CMIP: variants seen among roughly 807,000 people sequenced by gnomAD.
CMIP encodes the protein c-Maf inducing protein.
CMIP carries 13 observed loss-of-function variants against 97.3 expected under a neutral mutation model. The observed-to-expected ratio is 0.13, with a 90% confidence interval of 0.09 to 0.21. The LOEUF (loss-of-function observed/expected upper bound fraction) is 0.21, where lower values mean the gene tolerates loss of function less well. Ranked by LOEUF, CMIP falls within the 10% of genes least tolerant of loss-of-function variation. CMIP has a pLI of 1.00. For synonymous variants in CMIP, 538 were observed against 436.3 expected, an observed-to-expected ratio of 1.23 and a Z score of -2.91; for missense variants, 847 against 1,024.9, an observed-to-expected ratio of 0.83 and a Z score of 2.37.
chr16:81,705,318 G>A (rs192837983), intron 18 of CMIP, among the ~76,000 whole-genome samples, 181 bp from the exon 19 acceptor site: 1,738 of 152,330 alleles, frequency 0.011, 19 homozygotes, highest in Middle Eastern at 0.02. Flanking sequence ...ATTCTAACCC[G>A]GTTCAGAGAG....
intron 1 of CMIP, among the ~76,000 whole-genome samples, chr16:81,469,670 CA>C (rs1288675228): frequency 1.4e-4 from 21 of 152,308 alleles, no homozygotes; most frequent in Non-Finnish European, 2.6e-4. Context: ...ACTGTGGATT[CA>C]CAGTTCTTCA....
chr16:81,513,512 G>C (rs1317955036), intron 1 of CMIP, among the ~76,000 whole-genome samples: 1 of 152,234 alleles, frequency 6.6e-6, no homozygotes, highest in East Asian at 1.9e-4. Context: ...AATAGAGCTG[G>C]CCTTTGTTTC....
At chr16:81,690,673 C>T (rs1905957875) in intron 10 of CMIP, among the ~76,000 whole-genome samples, 1 of 152,176 alleles carries the variant, frequency 6.6e-6, no homozygotes, top group Admixed American at 6.5e-5. Flanking sequence ...CTGGCCTATC[C>T]CAGCACTTTG....
chr16:81,574,427 C>T (rs924892668), intron 1 of CMIP, among the ~76,000 whole-genome samples: 5 of 152,260 alleles, frequency 3.3e-5, no homozygotes, highest in African/African-American at 1.2e-4. Context: ...GTTTTCTCAG[C>T]AGGACCGGGC....
At chr16:81,649,901 A>G (rs1597195398) in intron 3 of CMIP, among the ~76,000 whole-genome samples, 1 of 152,236 alleles carries the variant, frequency 6.6e-6, no homozygotes, top group Non-Finnish European at 1.5e-5. Context: ...AGGAGCATTC[A>G]TCCTCTGGAG....
chr16:81,462,044 T>C (rs1482192026), intron 1 of CMIP, among the ~76,000 whole-genome samples: 2 of 152,252 alleles, frequency 1.3e-5, no homozygotes, highest in African/African-American at 2.4e-5. Context: ...GTCATCATTA[T>C]CTTTTACTTC....
At chr16:81,501,634 C>T (rs1344098893) in intron 1 of CMIP, among the ~76,000 whole-genome samples, 10 of 141,758 alleles carry the variant, frequency 7.1e-5, no homozygotes, top group African/African-American at 1.8e-4. Flanking sequence ...TTTTCTGAGA[C>T]GGTGTCTCGC....
intron 1 of CMIP, among the ~76,000 whole-genome samples, chr16:81,585,312 G>A (rs1031148848): frequency 3.9e-5 from 6 of 152,236 alleles, no homozygotes; most frequent in Non-Finnish European, 7.3e-5. Flanking sequence ...TTGTACTCCA[G>A]CCTGGGCAAA....
chr16:81,534,862 C>G (rs1275272638), intron 1 of CMIP, among the ~76,000 whole-genome samples: 1 of 152,194 alleles, frequency 6.6e-6, no homozygotes, highest in Non-Finnish European at 1.5e-5. Context: ...CAAATATGTG[C>G]TAAGTTTCCT....
chr16:81,578,775 TCCCTTCCTGCA>T (rs1305782881), intron 1 of CMIP, among the ~76,000 whole-genome samples: 1 of 152,192 alleles, frequency 6.6e-6, no homozygotes, highest in Non-Finnish European at 1.5e-5. Context: ...CAACACCTGC[TCCCTTCCTGCA>T]CTGGCGTCGG....
chr16:81,537,522 G>C (rs963094788), intron 1 of CMIP, among the ~76,000 whole-genome samples: 5 of 119,572 alleles, frequency 4.2e-5, no homozygotes, highest in South Asian at 2.9e-4. Flanking sequence ...GTGACAGAGA[G>C]AGACTCCGTC....
At chr16:81,636,362 C>T (rs1364895743) in intron 3 of CMIP, among the ~76,000 whole-genome samples, 1 of 152,016 alleles carries the variant, frequency 6.6e-6, no homozygotes, top group Non-Finnish European at 1.5e-5. Flanking sequence ...GCAGGTGGCT[C>T]ACCTGAGGTC....
At chr16:81,612,363 C>T (rs559753882) in intron 2 of CMIP, among the ~76,000 whole-genome samples, 10 of 152,140 alleles carry the variant, frequency 6.6e-5, no homozygotes, top group Non-Finnish European at 1.3e-4. Flanking sequence ...GCTCTTCTCA[C>T]CAATGTTCTG....
intron 1 of CMIP, among the ~76,000 whole-genome samples, chr16:81,581,859 G>T (rs887648942): frequency 1.3e-5 from 2 of 152,146 alleles, no homozygotes; most frequent in South Asian, 4.2e-4. Context: ...TCTGCAGAGG[G>T]GCCTTGTATT....
chr16:81,611,233 G>A (rs986541942), intron 2 of CMIP: 2 of 152,294 alleles, frequency 1.3e-5, no homozygotes, highest in East Asian at 1.9e-4. Context: ...ATTGACACAC[G>A]AAGTTCTGTG....
At chr16:81,513,854 C>T (rs1391522301) in intron 1 of CMIP, among the ~76,000 whole-genome samples, 2 of 152,226 alleles carry the variant, frequency 1.3e-5, no homozygotes, top group East Asian at 3.9e-4. Flanking sequence ...TGACTTGCAA[C>T]CTTTGCCCTG....
In CMIP at chr16:81,445,123, A is replaced by G. The variant is rs978595361; in HGVS notation, c.-119A>G. The G allele has an allele frequency of 2.5e-6, 1 of 406,570 alleles. No individual in the cohort carries two copies. Among genetic ancestry groups the G allele is most frequent in the Non-Finnish European group, 4.0e-6 (1 of 252,504 alleles). The allele number at this position is 406,570 out of a possible 1,614,324, so 25.2% of individuals were successfully genotyped here. ...CCCCTGCGGGCGCCCCCAGCCCCACACCCCCCCACCTTCCCGGGGGGTGGG... is the reference window on the plus strand; with the variant it reads ...CCCCTGCGGGCGCCCCCAGCCCCACGCCCCCCCACCTTCCCGGGGGGTGGG... On this transcript the variant is annotated 5_prime_UTR_variant, in exon 1 of 21. Coordinates refer to ENST00000537098, the MANE Select transcript of CMIP (RefSeq NM_198390.3).
In CMIP at chr16:81,603,658, C is replaced by T. The variant is rs557252593; in HGVS notation, c.301-3909C>T. Among the ~76,000 whole-genome samples, 236 of 152,284 alleles carry T rather than the reference C, an allele frequency of 1.5e-3. 6 individuals are homozygous for T. In the South Asian group the frequency reaches 0.047, roughly 30 times the overall value. On this transcript the variant is annotated intron_variant, in intron 1 of 20. Transcript: ENST00000537098. Reference sequence around the variant, plus strand: ...CCACAGTACCTGTAGTCACGTCTCCCAAAACTTCCCTTGGCTGGGATAGCT... The same window carrying T: ...CCACAGTACCTGTAGTCACGTCTCCTAAAACTTCCCTTGGCTGGGATAGCT...
At chr16:81,669,771 TCTCA>T (rs2092663849) in intron 7 of CMIP, among the ~76,000 whole-genome samples, 1 of 150,856 alleles carries the variant, frequency 6.6e-6, no homozygotes, top group African/African-American at 2.4e-5. Flanking sequence ...CACACCCACC[TCTCA>T]CACACCTCCT....
Sources: allele counts gnomAD v4.1 joint callset (sites outside exome capture counted in the v4.1 genomes callset), GRCh38; gene constraint gnomAD v4.1.1; transcripts MANE v1.5; gene names NCBI Gene and HGNC (gene_info 2026-07-23, HGNC 2026-07-21).